CTSD: variants seen among roughly 807,000 people sequenced by gnomAD.
CTSD encodes the protein ceroid-lipofuscinosis, neuronal 10.
CTSD carries 28 observed loss-of-function variants against 43.6 expected under a neutral mutation model. That is an observed-to-expected ratio of 0.64 (90% CI 0.48 to 0.88). The LOEUF is 0.88. Among genes scored for constraint, CTSD ranks in the 40% least tolerant of loss-of-function variants. The pLI is 0.00. For missense variants in CTSD, 485 were observed against 555.2 expected (o/e 0.87, Z 1.27); for synonymous variants, 270 against 249.8 (o/e 1.08, Z -0.76).
chr11:1,756,042 C>G (rs906842354), intron 5 of CTSD, among the ~76,000 whole-genome samples: 8 of 152,164 alleles, frequency 5.3e-5, no homozygotes, highest in South Asian at 2.1e-4. Flanking sequence ...GGCACTCACT[C>G]TGTGTGCCCC....
In CTSD at chr11:1,763,782, G is replaced by C. The variant is rs760082760; in HGVS notation, c.68+10C>G. ...TGCCCGTCCCTGAGCCCCGGCCCCT[G>C]AGGCTTCACCTGACGAGCGCGGAGG... On this transcript the variant is annotated intron_variant, in intron 1 of 8. Coordinates refer to ENST00000236671, the MANE Select transcript of CTSD (RefSeq NM_001909.5). 5 of 1,524,038 alleles carry C rather than the reference G, an allele frequency of 3.3e-6. No individual in the cohort carries two copies. The highest frequency in any genetic ancestry group is 2.0e-5 in the Admixed American group (1 of 50,286). The allele number at this position is 1,524,038 out of a possible 1,614,324, so 94.4% of individuals were successfully genotyped here.
chr11:1,761,419 C>T lies in CTSD; in HGVS notation c.118G>A (p.Gly40Arg). 1 of 1,613,916 alleles carries T rather than the reference C, an allele frequency of 6.2e-7. No individual in the cohort carries two copies. The highest frequency in any genetic ancestry group is 2.2e-5 in the East Asian group (1 of 44,888). ...GCAATCAGGTCCTCCACAGAGCCCCCAACCTCCGACATGGTCCGGCGGATG... is the reference window on the plus strand; with the variant it reads ...GCAATCAGGTCCTCCACAGAGCCCCTAACCTCCGACATGGTCCGGCGGATG... ...TSIRRTMSEV[G>R]GSVEDLIAKG... The change falls in exon 2 of 9, where the codon GGG becomes AGG. Residue 40 changes from glycine (G) to arginine (R), a missense_variant. Physicochemically the swap from Gly to Arg is moderately radical, Grantham distance 125. Transcript: ENST00000236671.
Position 1,756,661 on chromosome 11 carries a change from C to T in CTSD, c.704+663G>A, listed in dbSNP as rs942687125. Among the ~76,000 whole-genome samples the T allele has an allele frequency of 3.9e-5, 6 of 152,152 alleles. No individual in the cohort carries two copies. In the South Asian group the frequency reaches 1.2e-3, roughly 32 times the overall value. ...TGTGGAACCCTCCACTCAGGTCTGC[C>T]CCGAGAAGAGGAAACTAACTGAGTC... is the stretch of plus-strand genomic sequence containing the variant. On this transcript the variant is annotated intron_variant, in intron 5 of 8. Coordinates refer to ENST00000236671, the MANE Select transcript of CTSD (RefSeq NM_001909.5).
At chr11:1,758,454 C>T (rs1213243093) in intron 4 of CTSD, among the ~76,000 whole-genome samples, 1 of 152,170 alleles carries the variant, frequency 6.6e-6, no homozygotes, top group African/African-American at 2.4e-5. Flanking sequence ...AGTTGCTCTG[C>T]ACAGGGCCCT....
intron 4 of CTSD, among the ~76,000 whole-genome samples, 166 bp from the exon 5 acceptor site, chr11:1,757,722 G>A (rs1038425401): frequency 1.3e-5 from 2 of 152,252 alleles, no homozygotes; most frequent in Non-Finnish European, 2.9e-5. Context: ...CACCGCTGGG[G>A]ATGGGGACAC....
intron 5 of CTSD, 53 bp downstream of exon 5, chr11:1,757,271 A>G: frequency 6.7e-7 from 1 of 1,481,508 alleles, no homozygotes; most frequent in South Asian, 1.2e-5. Flanking sequence ...CTCCCCGTCC[A>G]GCCCCGCCCT....
chr11:1,759,248 C>A (rs1845845718), intron 3 of CTSD, among the ~76,000 whole-genome samples, 161 bp from the exon 4 acceptor site: 2 of 152,200 alleles, frequency 1.3e-5, no homozygotes, highest in South Asian at 4.1e-4. Flanking sequence ...ATGCCAGAGC[C>A]CCGGGACTGT....
In CTSD at chr11:1,757,670, C is replaced by A. The variant is rs887291391; in HGVS notation, c.472-114G>T. ...GATGCCCATCCCACACACGATGGGGCCCAGAGGGCCCAGAAGAAAGGGCTG... is the reference window on the plus strand; with the variant it reads ...GATGCCCATCCCACACACGATGGGGACCAGAGGGCCCAGAAGAAAGGGCTG... On this transcript the variant is annotated intron_variant, in intron 4 of 8. Coordinates refer to ENST00000236671, the MANE Select transcript of CTSD (RefSeq NM_001909.5). 1.2e-5 allele frequency: 10 copies of A among 848,038 alleles called. No homozygotes were observed. The South Asian group carries it at 1.5e-4, about 12-fold the overall frequency. The allele number at this position is 848,038 out of a possible 1,614,324, so 52.5% of individuals were successfully genotyped here. A position where few individuals can be genotyped will look rare whatever the true frequency, so the allele number is the denominator to read the frequency against.
intron 5 of CTSD, among the ~76,000 whole-genome samples, chr11:1,755,790 G>C (rs1187688678): frequency 1.3e-5 from 2 of 152,130 alleles, no homozygotes; most frequent in Non-Finnish European, 2.9e-5. Context: ...GCCTGACCCA[G>C]TCCTCCCAAC....
At chr11:1,755,137 G>A (rs1845794789) in intron 5 of CTSD, 109 bp from the exon 6 acceptor site, 2 of 1,351,716 alleles carry the variant, frequency 1.5e-6, no homozygotes, top group East Asian at 4.6e-5. Flanking sequence ...TCCTGAAGGA[G>A]GGGCCTTTCT....
chr11:1,759,680 C>A (rs1332023001), intron 2 of CTSD, 41 bp from the exon 3 acceptor site: 6 of 1,591,008 alleles, frequency 3.8e-6, no homozygotes, highest in Non-Finnish European at 5.1e-6. Flanking sequence ...GAGAGGGGGC[C>A]CCATCTCCCC....
rs746140722 is a variant in CTSD at position 1,757,510 on chromosome 11, T to C, written c.518A>G (p.Lys173Arg). ...CTCCCCAAAGACCTGCCTCTCCACT[T>C]TGACACCGCCCAGGGCAGAGGCTGA... Reference protein sequence around the residue: ...ASSASALGGVKVERQVFGEAT... With the variant: ...ASSASALGGVRVERQVFGEAT... The change falls in exon 5 of 9, where the codon AAA becomes AGA. Residue 173 changes from lysine (K) to arginine (R), a missense_variant. Physicochemically the swap from Lys to Arg is conservative, Grantham distance 26. Transcript: ENST00000236671. 3.3e-5 allele frequency: 53 copies of C among 1,613,630 alleles called. No individual in the cohort carries two copies. The South Asian group carries it at 4.4e-4, about 13-fold the overall frequency.
chr11:1,754,239 T>G (rs1352430069), intron 6 of CTSD, 101 bp from the exon 7 acceptor site: 1 of 1,394,902 alleles, frequency 7.2e-7, no homozygotes, highest in Non-Finnish European at 9.8e-7. Flanking sequence ...GGCTGCACTC[T>G]CCTCCCCTCA....
At position 1,754,051 on chromosome 11, in the gene CTSD, C is replaced by CA; in HGVS notation, c.914dup (p.Asp306GlyfsTer2). On this transcript the variant is annotated frameshift_variant, in exon 7 of 9. Coordinates refer to ENST00000236671, the MANE Select transcript of CTSD (RefSeq NM_001909.5). LOFTEE classifies it high-confidence loss of function. ...CCTTCTGCAGCTCGCGCACCTCATC[C>CA]ACCGGGCCCACCATGAGGGAAGTGC... 1 of 1,611,198 alleles carries CA rather than the reference C, an allele frequency of 6.2e-7. No individual in the cohort carries two copies. The highest frequency in any genetic ancestry group is 8.5e-7 in the Non-Finnish European group (1 of 1,179,492).
chr11:1,761,521 A>G lies in CTSD; in HGVS notation c.69-53T>C, dbSNP rs561855395. The G allele has an allele frequency of 3.7e-4, 591 of 1,599,458 alleles. 1 individual carries two copies. In the African/African-American group the frequency reaches 7.4e-3, roughly 20 times the overall value. ...GGGAGGCCCTCCCGCCTGCCGGCCG[A>G]CGCTGCCAATGCTGCACATCCACCT... is the stretch of plus-strand genomic sequence containing the variant. On this transcript the variant is annotated intron_variant, in intron 1 of 8. Transcript: ENST00000236671.
At position 1,759,438 on chromosome 11, in the gene CTSD, A is replaced by C. The variant is rs1363774827; in HGVS notation, c.352+78T>G. On this transcript the variant is annotated intron_variant, in intron 3 of 8. Coordinates refer to ENST00000236671, the MANE Select transcript of CTSD (RefSeq NM_001909.5). ...AGAGGCAGGAGAATTGCGTTGCCCA[A>C]GTGATTCCTGAGGCAGCCCTGCAGC... 2.5e-6 allele frequency: 4 copies of C among 1,596,392 alleles called. No individual in the cohort carries two copies. The East Asian group carries it at 8.9e-5, about 36-fold the overall frequency.
chr11:1,754,425 G>T (rs1440119538), intron 6 of CTSD, among the ~76,000 whole-genome samples: 50 of 122,378 alleles, frequency 4.1e-4, no homozygotes, highest in Non-Finnish European at 7.2e-4. Flanking sequence ...GGATGGAGGG[G>T]CATGGAGGGA....
At chr11:1,757,830 C>T in intron 4 of CTSD, 2 of 521,366 alleles carry the variant, frequency 3.8e-6, no homozygotes, top group Non-Finnish European at 3.5e-6. Context: ...CCTTGCTCCG[C>T]TCCCTGCTCC....
At position 1,753,524 on chromosome 11, in the gene CTSD, G is replaced by T. The variant is rs199603943; in HGVS notation, c.1218C>A (p.Phe406Leu). Residue 406 changes from phenylalanine (F) to leucine (L), a missense_variant, in exon 9 of 9, where the codon TTC (phenylalanine) becomes TTA (leucine). By Grantham distance (22) the Phe-to-Leu change is conservative. Transcript: ENST00000236671. ...GGAACTAGAGGCGGGCAGCCTCGGCGAAGCCCACCCTGTTGTTGTCACGGT... is the reference window on the plus strand; with the variant it reads ...GGAACTAGAGGCGGGCAGCCTCGGCTAAGCCCACCCTGTTGTTGTCACGGT... ...VFDRDNNRVG[F>L]AEAARL 1 of 1,612,982 alleles carries T rather than the reference G, an allele frequency of 6.2e-7. No individual in the cohort carries two copies. The highest frequency in any genetic ancestry group is 2.2e-5 in the East Asian group (1 of 44,860).
Sources: gnomAD v4.1 joint callset for allele counts (sites outside exome capture counted in the v4.1 genomes callset) on GRCh38, gnomAD v4.1.1 for gene constraint, MANE v1.5 for transcripts, NCBI Gene and HGNC (gene_info 2026-07-23, HGNC 2026-07-21) for gene names.